The following MRPL3 variants were observed in gnomAD, a reference collection of about 807,000 sequenced individuals.
The protein encoded by MRPL3 is mitochondrial ribosomal protein L3.
Under a neutral mutation model 44.3 loss-of-function variants are expected in MRPL3, and 43 were observed. The ratio of observed to expected loss-of-function variants is 0.97; its 90% CI spans 0.76 to 1.25. MRPL3 has a LOEUF of 1.25. Ranked by LOEUF, MRPL3 falls within the 50% of genes most tolerant of loss-of-function variation. The pLI, the probability that MRPL3 is intolerant of heterozygous loss-of-function variation, is 0.00. For missense variants in MRPL3, 406 were observed against 427.6 expected (o/e 0.95, Z 0.45); for synonymous variants, 171 against 152.3 (o/e 1.12, Z -0.91).
chr3:131,478,186 T>C (rs1933897602), intron 6 of MRPL3, among the ~76,000 whole-genome samples: 1 of 152,204 alleles, frequency 6.6e-6, no homozygotes, highest in African/African-American at 2.4e-5. Flanking sequence ...GAAAAAGTTT[T>C]TAGACCCCTG....
At chr3:131,499,752 T>TAATAAC (rs541122115) in intron 3 of MRPL3, among the ~76,000 whole-genome samples, 202 of 151,848 alleles carry the variant, frequency 1.3e-3, no homozygotes, top group Admixed American at 3.0e-3. Context: ...ATAATAATAA[T>TAATAAC]AACAACAATG....
intron 4 of MRPL3, among the ~76,000 whole-genome samples, chr3:131,490,573 C>T (rs1221666926): frequency 1.3e-5 from 2 of 152,200 alleles, no homozygotes; most frequent in African/African-American, 4.8e-5. Flanking sequence ...ATCATTTTCA[C>T]ACTCTATAAG....
chr3:131,487,789 A>G (rs1934162815), intron 5 of MRPL3, 49 bp from the exon 6 acceptor site: 1 of 1,472,764 alleles, frequency 6.8e-7, no homozygotes, highest in African/African-American at 1.4e-5. Context: ...ACAGCACAGA[A>G]ACAACTTTAT....
intron 6 of MRPL3, among the ~76,000 whole-genome samples, chr3:131,485,132 T>C (rs1010653464): frequency 6.6e-6 from 1 of 152,174 alleles, no homozygotes; most frequent in Admixed American, 6.5e-5. Flanking sequence ...TCTATGAAAA[T>C]GATCTTACAA....
chr3:131,464,567 GAAGGACAGACA>G (rs1196063515), intron 9 of MRPL3, among the ~76,000 whole-genome samples: 2 of 152,058 alleles, frequency 1.3e-5, no homozygotes, highest in Non-Finnish European at 2.9e-5. Context: ...AAATGTGGGG[GAAGGACAGACA>G]AAAGCCAGGC....
chr3:131,492,328 T>C (rs1934276174), intron 4 of MRPL3, among the ~76,000 whole-genome samples: 1 of 152,178 alleles, frequency 6.6e-6, no homozygotes, highest in Admixed American at 6.5e-5. Context: ...CCATGTGTCA[T>C]GATACACATT....
intron 4 of MRPL3, among the ~76,000 whole-genome samples, chr3:131,496,093 G>A (rs753856258): frequency 3.3e-5 from 5 of 152,074 alleles, no homozygotes; most frequent in African/African-American, 2.4e-5. Flanking sequence ...CAAATATCCA[G>A]GCCATGAAGG....
chr3:131,463,358 T>C (rs1359524507), intron 9 of MRPL3, among the ~76,000 whole-genome samples: 1 of 151,822 alleles, frequency 6.6e-6, no homozygotes, highest in Non-Finnish European at 1.5e-5. Context: ...ACAAACAAGA[T>C]TGTATTTCTA....
chr3:131,469,167 G>A (rs942508045), intron 8 of MRPL3, among the ~76,000 whole-genome samples: 3 of 151,504 alleles, frequency 2.0e-5, no homozygotes, highest in African/African-American at 7.3e-5. Flanking sequence ...TAATCCTTTT[G>A]TAGTGCTATT....
At chr3:131,477,333 T>C (rs1180215597) in intron 6 of MRPL3, among the ~76,000 whole-genome samples, 6 of 152,180 alleles carry the variant, frequency 3.9e-5, no homozygotes, top group Non-Finnish European at 8.8e-5. Flanking sequence ...TGGATTCTCC[T>C]ACCTTCTTTT....
chr3:131,467,720 A>C (rs1933644598), intron 9 of MRPL3, among the ~76,000 whole-genome samples: 2 of 152,136 alleles, frequency 1.3e-5, no homozygotes, highest in Non-Finnish European at 2.9e-5. Context: ...CTGTGGAACC[A>C]CGAGCCAATT....
intron 8 of MRPL3, among the ~76,000 whole-genome samples, chr3:131,469,327 A>C (rs907984746): frequency 3.3e-5 from 5 of 151,734 alleles, no homozygotes; most frequent in Non-Finnish European, 7.4e-5. Context: ...AGCAACATAC[A>C]CACGTAGAGA....
intron 9 of MRPL3, among the ~76,000 whole-genome samples, chr3:131,465,905 T>G (rs1933591057): frequency 6.6e-6 from 1 of 151,070 alleles, no homozygotes; most frequent in Admixed American, 6.6e-5. Flanking sequence ...TTTTTTTTTT[T>G]TTGTTTTTTT....
intron 9 of MRPL3, among the ~76,000 whole-genome samples, chr3:131,463,340 C>G (rs1300989513): frequency 6.9e-6 from 1 of 144,952 alleles, no homozygotes. Context: ...ATTTCTCCAA[C>G]AAATAAAACA....
chr3:131,500,129 G>T (rs539876539), intron 3 of MRPL3, among the ~76,000 whole-genome samples: 1 of 152,020 alleles, frequency 6.6e-6, no homozygotes, highest in Non-Finnish European at 1.5e-5. Flanking sequence ...AAACAAAATG[G>T]GATTGAGATT....
chr3:131,469,560 T>C, intron 8 of MRPL3, 136 bp downstream of exon 8: 1 of 569,288 alleles, frequency 1.8e-6, no homozygotes, highest in Non-Finnish European at 3.1e-6. Flanking sequence ...ACACACACAA[T>C]TCATGTATCC....
At chr3:131,465,902 T>G (rs930065345) in intron 9 of MRPL3, among the ~76,000 whole-genome samples, 28 of 150,978 alleles carry the variant, frequency 1.9e-4, no homozygotes, top group Non-Finnish European at 2.7e-4. Flanking sequence ...TTTTTTTTTT[T>G]TTTTTGTTTT....
intron 1 of MRPL3, chr3:131,502,052 T>A (rs903869076): frequency 1.5e-6 from 1 of 677,876 alleles, no homozygotes; most frequent in Middle Eastern, 4.1e-4. Flanking sequence ...TCAGTGGAGG[T>A]GGCAGAAGGT....
intron 6 of MRPL3, among the ~76,000 whole-genome samples, chr3:131,476,527 C>T (rs1198748568): frequency 2.0e-5 from 3 of 151,910 alleles, no homozygotes; most frequent in African/African-American, 7.3e-5. Context: ...ATATCCCTTA[C>T]CCATTTTCTG....
Sources: allele counts gnomAD v4.1 joint callset (sites outside exome capture counted in the v4.1 genomes callset), GRCh38; gene constraint gnomAD v4.1.1; transcripts MANE v1.5; gene names NCBI Gene and HGNC (gene_info 2026-07-23, HGNC 2026-07-21).